SEL1L3: variants seen among roughly 807,000 people sequenced by gnomAD.
SEL1L3 encodes protein sel-1 homolog 3.
Under a neutral mutation model 142.8 loss-of-function variants are expected in SEL1L3, and 76 were observed. That is an observed-to-expected ratio of 0.53 (90% CI 0.44 to 0.64). The LOEUF (loss-of-function observed/expected upper bound fraction) is 0.64. Among genes scored for constraint, SEL1L3 ranks in the 30% least tolerant of loss-of-function variants. The pLI, the probability that SEL1L3 is intolerant of heterozygous loss-of-function variation, is 0.00. For synonymous variants in SEL1L3, 504 were observed against 519.6 expected (o/e 0.97, Z 0.41); for missense variants, 1,262 against 1,381.7 (o/e 0.91, Z 1.37).
At chr4:25,858,028 A>T (rs1169838668) in intron 1 of SEL1L3, among the ~76,000 whole-genome samples, 1 of 152,232 alleles carries the variant, frequency 6.6e-6, no homozygotes, top group Admixed American at 6.5e-5. Context: ...TCATGGGCCG[A>T]ACACGCCTCC....
chr4:25,748,255 T>G lies in SEL1L3; in HGVS notation c.*170A>C. 1.6e-6 allele frequency: 1 copy of G among 623,726 alleles called. No homozygotes were observed. The highest frequency in any genetic ancestry group is 2.8e-6 in the Non-Finnish European group (1 of 359,552). 38.6% of individuals were successfully genotyped at this position (623,726 alleles called of 1,614,324 possible). On this transcript the variant is annotated 3_prime_UTR_variant, in exon 24 of 24. Coordinates refer to ENST00000399878, the MANE Select transcript of SEL1L3 (RefSeq NM_015187.5). Reference sequence around the variant, plus strand: ...CCTTTGGTATTACCACTGCCTGATCTGGGTACTTCCTTGTAATTTGACTTT... The same window carrying G: ...CCTTTGGTATTACCACTGCCTGATCGGGGTACTTCCTTGTAATTTGACTTT...
chr4:25,791,273 A>G lies in SEL1L3; in HGVS notation c.1957-699T>C, dbSNP rs116180560. ...TTTCCAAAAATTAAATCTACCCTGA[A>G]AAGAAGAGGGCATGTTAACTCTGAG... On this transcript the variant is annotated intron_variant, in intron 11 of 23. Transcript: ENST00000399878. 4.4e-3 allele frequency among the ~76,000 whole-genome samples: 675 copies of G among 152,362 alleles called. 6 individuals carry two copies. Among genetic ancestry groups the G allele is most frequent in the African/African-American group, 0.015 (630 of 41,594 alleles).
chr4:25,856,125 C>G (rs1052824905), intron 1 of SEL1L3, among the ~76,000 whole-genome samples: 1 of 152,140 alleles, frequency 6.6e-6, no homozygotes, highest in East Asian at 1.9e-4. Context: ...CATTCTAGAC[C>G]GTTTCCATTT....
the SEL1L3 span, chr4:25,720,082 CTT>C: frequency 6.6e-6 from 1 of 152,118 alleles, no homozygotes. Flanking sequence ...TTTATTTTGA[CTT>C]AAACTATTTA....
At chr4:25,765,632 AT>A (rs576261341) in intron 19 of SEL1L3, among the ~76,000 whole-genome samples, 197 bp from the exon 20 acceptor site, 243 of 151,626 alleles carry the variant, frequency 1.6e-3, no homozygotes, top group Middle Eastern at 6.8e-3. Flanking sequence ...TTCTAGACAT[AT>A]TTTTTTTCTT....
chr4:25,749,695 G>A (rs1353557499), intron 23 of SEL1L3, among the ~76,000 whole-genome samples: 1 of 152,196 alleles, frequency 6.6e-6, no homozygotes, highest in East Asian at 1.9e-4. Context: ...GAGCCAAATA[G>A]GAGTGATTTG....
chr4:25,719,880 G>A, the SEL1L3 span: 5 of 152,124 alleles, frequency 3.3e-5, no homozygotes, highest in Admixed American at 1.3e-4. Flanking sequence ...AGAGCGAAAT[G>A]TATATTTAAA....
chr4:25,796,486 TAAAG>T (rs1712763650), intron 11 of SEL1L3, among the ~76,000 whole-genome samples: 1 of 151,446 alleles, frequency 6.6e-6, no homozygotes, highest in Non-Finnish European at 1.5e-5. Context: ...AAAAATAAAA[TAAAG>T]AAAACCTTAA....
At chr4:25,810,682 C>G (rs1047708664) in intron 9 of SEL1L3, among the ~76,000 whole-genome samples, 2 of 152,144 alleles carry the variant, frequency 1.3e-5, no homozygotes, top group Non-Finnish European at 1.5e-5. Flanking sequence ...TCCCCTCTTC[C>G]GGAGTCCTGA....
At chr4:25,734,802 C>T in the SEL1L3 span, among the ~76,000 whole-genome samples, 1 of 152,068 alleles carries the variant, frequency 6.6e-6, no homozygotes, top group African/African-American at 2.4e-5. Flanking sequence ...CTCCTGACCT[C>T]AGGTGATCCG....
At chr4:25,766,622 T>A (rs983149681) in intron 19 of SEL1L3, among the ~76,000 whole-genome samples, 10 of 152,048 alleles carry the variant, frequency 6.6e-5, no homozygotes, top group Non-Finnish European at 1.5e-4. Context: ...AAGGCTACTA[T>A]CATCCCCAGG....
chr4:25,745,728 G>A (rs566237083), downstream of SEL1L3, among the ~76,000 whole-genome samples: 3 of 152,346 alleles, frequency 2.0e-5, no homozygotes, highest in South Asian at 6.2e-4. Flanking sequence ...CAGCTCAAAT[G>A]TCCATAGTGC....
the SEL1L3 span, among the ~76,000 whole-genome samples, chr4:25,714,036 C>G: frequency 6.6e-6 from 1 of 152,112 alleles, no homozygotes; most frequent in Non-Finnish European, 1.5e-5. Flanking sequence ...AATGATTTGT[C>G]TGATAAGGCA....
the SEL1L3 span, among the ~76,000 whole-genome samples, chr4:25,739,662 G>A: frequency 2.3e-4 from 34 of 150,922 alleles, no homozygotes; most frequent in Non-Finnish European, 4.7e-4. Flanking sequence ...ATCCAAGATC[G>A]CACCACTGCA....
chr4:25,811,187 A>G (rs1050077225), intron 9 of SEL1L3, among the ~76,000 whole-genome samples: 5 of 152,288 alleles, frequency 3.3e-5, no homozygotes, highest in South Asian at 4.2e-4. Context: ...TGGAACCTGT[A>G]TATCTCAGCA....
At chr4:25,720,913 G>A in the SEL1L3 span, 1 of 152,178 alleles carries the variant, frequency 6.6e-6, no homozygotes, top group African/African-American at 2.4e-5. Context: ...GGACTTCTAA[G>A]GAGTAGAGGG....
intron 21 of SEL1L3, among the ~76,000 whole-genome samples, chr4:25,758,585 C>A (rs1718153796): frequency 6.6e-6 from 1 of 152,160 alleles, no homozygotes; most frequent in African/African-American, 2.4e-5. Context: ...ATATCTTAAA[C>A]TTCAGATATT....
chr4:25,737,204 C>T, the SEL1L3 span, among the ~76,000 whole-genome samples: 3 of 152,108 alleles, frequency 2.0e-5, no homozygotes, highest in African/African-American at 4.8e-5. Context: ...AGGCTGGTCT[C>T]GAACTCCTGA....
chr4:25,750,582 G>C (rs1005330305), intron 23 of SEL1L3, among the ~76,000 whole-genome samples: 1 of 152,154 alleles, frequency 6.6e-6, no homozygotes, highest in African/African-American at 2.4e-5. Context: ...GATCTAGCAG[G>C]GACCAGATTT....
Sources: gnomAD v4.1 joint callset for allele counts (sites outside exome capture counted in the v4.1 genomes callset) on GRCh38, gnomAD v4.1.1 for gene constraint, MANE v1.5 for transcripts, NCBI Gene and HGNC (gene_info 2026-07-23, HGNC 2026-07-21) for gene names.